EPHA6: variants seen among roughly 807,000 people sequenced by gnomAD.
EPHA6 encodes the protein EPH receptor A6, also known as ephrin type-A receptor 6.
In EPHA6, 50 loss-of-function variants were observed where a neutral mutation model predicts 112.0. The observed-to-expected ratio is 0.45, with a 90% CI of 0.36 to 0.56. The LOEUF is 0.56. EPHA6 is among the 20% of genes least tolerant of loss of function. The pLI is 0.00. For missense variants in EPHA6, 1,280 were observed against 1,417.4 expected (o/e 0.90, Z 1.56); for synonymous variants, 529 against 490.7 (o/e 1.08, Z -1.03).
chr3:97,224,877 A>G (rs1438950204), intron 3 of EPHA6, among the ~76,000 whole-genome samples: 2 of 152,088 alleles, frequency 1.3e-5, no homozygotes, highest in Non-Finnish European at 2.9e-5. Context: ...GTTATAGATT[A>G]AAGGTATTAC....
Position 96,934,127 on chromosome 3 carries a change from T to G in EPHA6, c.451-53203T>G, listed in dbSNP as rs564841760. ...TATGAAATACCTTTTTCTATTTTAA[T>G]GGGTTCTATTCACAGGGGCAAGTAA... On this transcript the variant is annotated intron_variant, in intron 2 of 17. Transcript: ENST00000389672. 3.9e-4 allele frequency among the ~76,000 whole-genome samples: 59 copies of G among 152,132 alleles called. 1 individual carries two copies. Among genetic ancestry groups the G allele is most frequent in the Non-Finnish European group, 7.1e-4 (48 of 67,870 alleles).
chr3:97,232,335 G>T (rs1314133620), intron 4 of EPHA6, among the ~76,000 whole-genome samples: 2 of 152,068 alleles, frequency 1.3e-5, no homozygotes, highest in East Asian at 3.9e-4. Context: ...AAAGAAAGCT[G>T]TTCTCTTACA....
intron 14 of EPHA6, among the ~76,000 whole-genome samples, chr3:97,718,841 A>C (rs979975877): frequency 6.6e-6 from 1 of 152,140 alleles, no homozygotes; most frequent in South Asian, 2.1e-4. Flanking sequence ...ACATCATATG[A>C]CAGCATTAAT....
chr3:97,590,599 T>G (rs1020918077), intron 11 of EPHA6, among the ~76,000 whole-genome samples: 2 of 152,202 alleles, frequency 1.3e-5, no homozygotes, highest in Non-Finnish European at 2.9e-5. Flanking sequence ...ATTTATATCA[T>G]TTTTTCTTTG....
chr3:97,736,512 C>T (rs1222784363), intron 16 of EPHA6, among the ~76,000 whole-genome samples: 1 of 115,836 alleles, frequency 8.6e-6, no homozygotes, highest in African/African-American at 3.3e-5. Flanking sequence ...TGTGTGTGTG[C>T]AGCCCCTTTA....
At chr3:97,642,262 A>G (rs911258977) in intron 14 of EPHA6, among the ~76,000 whole-genome samples, 14 of 96,984 alleles carry the variant, frequency 1.4e-4, no homozygotes, top group Non-Finnish European at 2.8e-4. Context: ...ACAAACAGAA[A>G]GGACATCCAC....
intron 14 of EPHA6, among the ~76,000 whole-genome samples, chr3:97,643,551 CA>C: frequency 6.8e-6 from 1 of 146,848 alleles, no homozygotes; most frequent in South Asian, 2.2e-4. Flanking sequence ...AAACCCATCT[CA>C]CGTGCAGAGA....
intron 3 of EPHA6, among the ~76,000 whole-genome samples, chr3:97,011,265 T>A (rs2044075366): frequency 6.6e-6 from 1 of 152,188 alleles, no homozygotes; most frequent in African/African-American, 2.4e-5. Context: ...CTTGTTGTTT[T>A]CCACTGCTAG....
chr3:97,053,653 A>C (rs2045757706), intron 3 of EPHA6, among the ~76,000 whole-genome samples: 1 of 152,114 alleles, frequency 6.6e-6, no homozygotes, highest in Non-Finnish European at 1.5e-5. Context: ...AGTCCTATAC[A>C]ACTTGCATTT....
rs903393307 is a variant in EPHA6, at chr3:97,697,840, T to C, written c.2785-22421T>C. Among the ~76,000 whole-genome samples, 5 of 152,166 alleles carry C rather than the reference T, an allele frequency of 3.3e-5. No individual in the cohort carries two copies. In the East Asian group the frequency reaches 9.6e-4, roughly 29 times the overall value. ...TCCCCAAACTGCTTCCACCTAAAAC[T>C]TCCCAAGTTGACTCCCAAAATAGGT... is the stretch of plus-strand genomic sequence containing the variant. On this transcript the variant is annotated intron_variant, in intron 14 of 17. Transcript: ENST00000389672.
intron 2 of EPHA6, among the ~76,000 whole-genome samples, chr3:96,970,639 A>G (rs544326177): frequency 5.9e-5 from 9 of 152,076 alleles, no homozygotes; most frequent in African/African-American, 1.9e-4. Context: ...ACCAACTGCA[A>G]TCCCTGTTGT....
chr3:97,010,195 T>C (rs1355399875), intron 3 of EPHA6: 2 of 724,322 alleles, frequency 2.8e-6, no homozygotes, highest in Admixed American at 3.5e-5. Context: ...GTATGAAATA[T>C]GGGTTCTGGT....
Position 96,954,566 on chromosome 3 carries a change from G to C in EPHA6, c.451-32764G>C, listed in dbSNP as rs140114238. On this transcript the variant is annotated intron_variant, in intron 2 of 17. Transcript: ENST00000389672. ...TCAGGTTTCAAATATCACTACACAG[G>C]GAGAAGTGCTTCCTGATTATCTCAC... Among the ~76,000 whole-genome samples, 507 of 152,150 alleles carry C rather than the reference G, an allele frequency of 3.3e-3. 4 individuals are homozygous for C. Among genetic ancestry groups the C allele is most frequent in the African/African-American group, 0.012 (481 of 41,512 alleles).
At chr3:97,047,788 A>G (rs761081954) in intron 3 of EPHA6, among the ~76,000 whole-genome samples, 2 of 152,092 alleles carry the variant, frequency 1.3e-5, no homozygotes, top group African/African-American at 2.4e-5. Flanking sequence ...GCATTGGAGT[A>G]ATAATTGCAC....
At chr3:97,436,386 CACAA>C (rs1382906514) in intron 6 of EPHA6, among the ~76,000 whole-genome samples, 1 of 151,974 alleles carries the variant, frequency 6.6e-6, no homozygotes, top group Admixed American at 6.6e-5. Context: ...AATTAAGGCT[CACAA>C]ACAAATATAA....
intron 1 of EPHA6, among the ~76,000 whole-genome samples, chr3:96,840,637 G>A (rs1014123101): frequency 1.3e-5 from 2 of 152,066 alleles, no homozygotes; most frequent in Non-Finnish European, 2.9e-5. Flanking sequence ...CTAACTCAGA[G>A]CTGACACACT....
chr3:96,878,110 A>G (rs940721316), intron 2 of EPHA6, among the ~76,000 whole-genome samples: 1 of 151,938 alleles, frequency 6.6e-6, no homozygotes, highest in African/African-American at 2.4e-5. Context: ...ATTTATGGTT[A>G]CCAGTGAAAA....
intron 14 of EPHA6, among the ~76,000 whole-genome samples, chr3:97,643,669 C>A (rs562426010): frequency 1.3e-5 from 2 of 151,972 alleles, no homozygotes; most frequent in South Asian, 4.2e-4. Context: ...AGACTTTAAA[C>A]CAACAAAGAT....
chr3:96,843,706 C>A (rs2034891938), intron 1 of EPHA6, among the ~76,000 whole-genome samples: 1 of 152,004 alleles, frequency 6.6e-6, no homozygotes, highest in African/African-American at 2.4e-5. Context: ...CTTGAATTGG[C>A]AGCCAGCCAA....
Sources: gnomAD v4.1 joint callset for allele counts (sites outside exome capture counted in the v4.1 genomes callset) on GRCh38, gnomAD v4.1.1 for gene constraint, MANE v1.5 for transcripts, NCBI Gene and HGNC (gene_info 2026-07-23, HGNC 2026-07-21) for gene names.